Variants in ANAPC1 observed in about 807,000 individuals in gnomAD.
ANAPC1 encodes anaphase promoting complex subunit 1.
In ANAPC1, 36 loss-of-function variants were observed where a neutral mutation model predicts 208.0. The ratio of observed to expected loss-of-function variants is 0.17; its 90% CI spans 0.13 to 0.23. The LOEUF (loss-of-function observed/expected upper bound fraction) is 0.23. Ranked by LOEUF, ANAPC1 falls within the 10% of genes least tolerant of loss-of-function variation. The pLI is 1.00. For missense variants in ANAPC1, 942 were observed against 2,011.6 expected, an observed-to-expected ratio of 0.47 and a Z score of 10.17; for synonymous variants, 378 against 695.2, an observed-to-expected ratio of 0.54 and a Z score of 7.18.
At chr2:111,845,701 G>A (rs535642827) in intron 16 of ANAPC1, among the ~76,000 whole-genome samples, 95 of 152,178 alleles carry the variant, frequency 6.2e-4, no homozygotes, top group Non-Finnish European at 1.1e-3. Flanking sequence ...AGAGCCGGGC[G>A]CGGTGGCTCA....
chr2:111,787,351 CTT>C (rs1235015233), intron 39 of ANAPC1, among the ~76,000 whole-genome samples: 1 of 149,806 alleles, frequency 6.7e-6, no homozygotes, highest in East Asian at 2.0e-4. Flanking sequence ...TAACAATATT[CTT>C]GTGCTGCACC....
intron 20 of ANAPC1, among the ~76,000 whole-genome samples, chr2:111,832,345 T>G (rs1680191738): frequency 6.6e-6 from 1 of 150,376 alleles, no homozygotes; most frequent in Non-Finnish European, 1.5e-5. Flanking sequence ...ATCAAAAATC[T>G]TGCCCTAAAC....
chr2:111,841,473 G>A (rs1237034671), intron 17 of ANAPC1, among the ~76,000 whole-genome samples: 6 of 142,196 alleles, frequency 4.2e-5, no homozygotes, highest in South Asian at 2.5e-4. Flanking sequence ...ACCTAAGCAC[G>A]TCTTGTCGGA....
chr2:111,831,168 T>C (rs759388254), intron 21 of ANAPC1, 118 bp downstream of exon 21: 28 of 842,158 alleles, frequency 3.3e-5, no homozygotes, highest in Non-Finnish European at 4.9e-5. Flanking sequence ...TACATGAATC[T>C]ATACACGTAC....
At chr2:111,783,382 T>C (rs1243301280) in intron 42 of ANAPC1, among the ~76,000 whole-genome samples, 2 of 152,032 alleles carry the variant, frequency 1.3e-5, no homozygotes, top group African/African-American at 4.8e-5. Context: ...TCTCACGAGA[T>C]CTGATGGTTT....
intron 34 of ANAPC1, among the ~76,000 whole-genome samples, chr2:111,798,148 C>T (rs1246800252): frequency 7.3e-6 from 1 of 136,342 alleles, no homozygotes; most frequent in Non-Finnish European, 1.6e-5. Context: ...GTGCAAATGT[C>T]TGCCTGATCC....
At position 111,863,858 on chromosome 2, in the gene ANAPC1, C is replaced by G; in HGVS notation, c.869G>C (p.Gly290Ala). ...GCTAGTGGCCACATTCTGTGGGGTT[C>G]CCCCCTGTTCAGAGAACTTTAAAAC... ...NVVLKFSEQG[G>A]TPQNVATSSS... Residue 290 changes from glycine (G) to alanine (A), a missense_variant, in exon 9 of 48, where the codon GGA becomes GCA. Transcript: ENST00000341068. 1 of 1,612,958 alleles carries G rather than the reference C, an allele frequency of 6.2e-7. No homozygotes were observed. Among genetic ancestry groups the G allele is most frequent in the Non-Finnish European group, 8.5e-7 (1 of 1,179,552 alleles).
chr2:111,769,545 T>G (rs1676604672), intron 47 of ANAPC1, 139 bp from the exon 48 acceptor site: 3 of 610,778 alleles, frequency 4.9e-6, no homozygotes, highest in Admixed American at 5.8e-5. Context: ...AAGACAATAT[T>G]TAAAATTATG....
intron 3 of ANAPC1, among the ~76,000 whole-genome samples, chr2:111,874,479 T>C (rs2104597230): frequency 7.6e-6 from 1 of 131,476 alleles, no homozygotes; most frequent in South Asian, 3.3e-4. Flanking sequence ...ACTTTCCCTA[T>C]GAAAGGGCCT....
At chr2:111,865,572 A>G (rs1422687660) in intron 7 of ANAPC1, among the ~76,000 whole-genome samples, 2 of 152,258 alleles carry the variant, frequency 1.3e-5, no homozygotes, top group Non-Finnish European at 2.9e-5. Context: ...CTTTATAAAT[A>G]AAAATCATGC....
intron 13 of ANAPC1, among the ~76,000 whole-genome samples, chr2:111,852,975 G>A (rs1346085835): frequency 6.7e-6 from 1 of 148,906 alleles, no homozygotes; most frequent in Non-Finnish European, 1.5e-5. Context: ...GTAACAGAGA[G>A]AGATACTGTA....
chr2:111,777,128 T>C, intron 45 of ANAPC1, 71 bp from the exon 46 acceptor site: 1 of 547,746 alleles, frequency 1.8e-6, no homozygotes, highest in East Asian at 3.2e-5. Flanking sequence ...AGTTGTAGAC[T>C]GAGTATTTTT....
intron 1 of ANAPC1, among the ~76,000 whole-genome samples, chr2:111,882,991 C>T (rs1683393425): frequency 6.6e-6 from 1 of 151,724 alleles, no homozygotes; most frequent in African/African-American, 2.4e-5. Flanking sequence ...GATGGTGAAA[C>T]CCCATCTCTA....
At chr2:111,815,146 G>GAAAAAA (rs1223576868) in intron 28 of ANAPC1, among the ~76,000 whole-genome samples, 1 of 68,514 alleles carries the variant, frequency 1.5e-5, no homozygotes, top group Admixed American at 1.7e-4. Context: ...CTTACTCAAG[G>GAAAAAA]AAAAAAAAAA....
intron 3 of ANAPC1, among the ~76,000 whole-genome samples, chr2:111,874,990 G>C (rs1682947129): frequency 6.6e-6 from 1 of 152,168 alleles, no homozygotes; most frequent in South Asian, 2.1e-4. Flanking sequence ...GGCTACACGT[G>C]TAACTTTTTG....
chr2:111,832,305 GA>G (rs11431305), intron 20 of ANAPC1, among the ~76,000 whole-genome samples: 83 of 76,802 alleles, frequency 1.1e-3, no homozygotes, highest in African/African-American at 1.4e-3. Flanking sequence ...CCTGTCTCAA[GA>G]AAAAAAAAAA....
At chr2:111,781,770 A>G (rs943111405) in intron 43 of ANAPC1, among the ~76,000 whole-genome samples, 4 of 152,276 alleles carry the variant, frequency 2.6e-5, no homozygotes, top group African/African-American at 4.8e-5. Context: ...AACTTATCTG[A>G]GTCAAGAATA....
Position 111,862,602 on chromosome 2 carries a change from C to T in ANAPC1, c.1053-4G>A, listed in dbSNP as rs780087617. 3.1e-6 allele frequency: 5 copies of T among 1,607,866 alleles called. No individual in the cohort carries two copies. The East Asian group carries it at 1.1e-4, about 36-fold the overall frequency. ...TAACGCAGGAGAATGAGCACGACTGCAAAATAAACAGAGGAGAGAGTACAT... is the reference window on the plus strand; with the variant it reads ...TAACGCAGGAGAATGAGCACGACTGTAAAATAAACAGAGGAGAGAGTACAT... On this transcript the variant is annotated splice_polypyrimidine_tract_variant and splice_region_variant and intron_variant, in intron 9 of 47. Transcript: ENST00000341068.
intron 26 of ANAPC1, chr2:111,819,554 G>GT (rs1325007763): frequency 7.1e-6 from 1 of 140,776 alleles, no homozygotes; most frequent in Non-Finnish European, 1.5e-5. Context: ...TATGTATCAG[G>GT]TATGTTCAAG....
Sources: allele counts gnomAD v4.1 joint callset (sites outside exome capture counted in the v4.1 genomes callset), GRCh38; gene constraint gnomAD v4.1.1; transcripts MANE v1.5; gene names NCBI Gene and HGNC (gene_info 2026-07-23, HGNC 2026-07-21).